The following SEMA3D variants were observed in gnomAD, a reference collection of about 807,000 sequenced individuals.
SEMA3D encodes the protein semaphorin 3D.
Under a neutral mutation model 100.1 loss-of-function variants are expected in SEMA3D, and 84 were observed. The observed-to-expected ratio is 0.84, with a 90% CI of 0.70 to 1.01. SEMA3D has a LOEUF of 1.01. Among genes scored for constraint, SEMA3D ranks in the 50% least tolerant of loss-of-function variants. SEMA3D has a pLI of 0.00. For synonymous variants in SEMA3D, 312 were observed against 320.7 expected, an observed-to-expected ratio of 0.97 and a Z score of 0.29; for missense variants, 875 against 934.1, an observed-to-expected ratio of 0.94 and a Z score of 0.82.
chr7:85,228,754 T>G, the SEMA3D span, among the ~76,000 whole-genome samples: 1 of 152,084 alleles, frequency 6.6e-6, no homozygotes, highest in Non-Finnish European at 1.5e-5. Flanking sequence ...TCATTGCTCA[T>G]GAAAGTCATA....
chr7:85,036,820 T>C, intron 12 of SEMA3D, 69 bp downstream of exon 12: 1 of 1,322,320 alleles, frequency 7.6e-7, no homozygotes, highest in Non-Finnish European at 1.0e-6. Flanking sequence ...TAGCAGAATT[T>C]ATTACAATTA....
At chr7:85,050,887 C>T in intron 9 of SEMA3D, 1 of 390,474 alleles carries the variant, frequency 2.6e-6, no homozygotes, top group Non-Finnish European at 4.6e-6. Context: ...ACACCAACTT[C>T]TTCCATTCCT....
At chr7:85,089,671 A>C (rs1329737532) in intron 4 of SEMA3D, among the ~76,000 whole-genome samples, 2 of 152,060 alleles carry the variant, frequency 1.3e-5, no homozygotes, top group Non-Finnish European at 2.9e-5. Flanking sequence ...GATTTCATGA[A>C]CCCAGAAGTT....
At chr7:85,051,467 C>CA (rs1288149583) in intron 9 of SEMA3D, among the ~76,000 whole-genome samples, 2 of 151,924 alleles carry the variant, frequency 1.3e-5, no homozygotes, top group African/African-American at 4.8e-5. Flanking sequence ...GCAATGACAC[C>CA]ATTTCCTCTC....
intron 1 of SEMA3D, among the ~76,000 whole-genome samples, chr7:85,158,009 C>T (rs562845322): frequency 1.3e-5 from 2 of 152,244 alleles, no homozygotes; most frequent in East Asian, 3.9e-4. Flanking sequence ...ATTTCCTATG[C>T]CTATCTTTAC....
chr7:85,086,561 A>G (rs1178284736), intron 4 of SEMA3D, among the ~76,000 whole-genome samples: 1 of 152,018 alleles, frequency 6.6e-6, no homozygotes, highest in East Asian at 1.9e-4. Flanking sequence ...ATAATGTACA[A>G]TATACGCACA....
At chr7:85,091,072 AAG>A (rs1422917599) in intron 4 of SEMA3D, among the ~76,000 whole-genome samples, 4 of 146,456 alleles carry the variant, frequency 2.7e-5, no homozygotes, top group African/African-American at 7.8e-5. Flanking sequence ...GAAGGAGAGA[AAG>A]AGAAAGAGAG....
intron 4 of SEMA3D, among the ~76,000 whole-genome samples, chr7:85,088,252 A>T (rs539086831): frequency 1.3e-5 from 2 of 152,322 alleles, no homozygotes; most frequent in East Asian, 3.9e-4. Context: ...TCAAATAATG[A>T]TAAGACTTTA....
chr7:85,019,441 A>T (rs560741989), intron 14 of SEMA3D, among the ~76,000 whole-genome samples: 1 of 151,640 alleles, frequency 6.6e-6, no homozygotes, highest in Non-Finnish European at 1.5e-5. Context: ...CATAAACAGG[A>T]TCCTGTGGAA....
the SEMA3D span, among the ~76,000 whole-genome samples, chr7:85,236,130 CA>C: frequency 4.7e-4 from 71 of 151,966 alleles, no homozygotes; most frequent in African/African-American, 1.6e-3. Flanking sequence ...TTTCAGATAC[CA>C]AATGAGCTAC....
the SEMA3D span, among the ~76,000 whole-genome samples, chr7:85,197,623 G>T: frequency 6.6e-6 from 1 of 152,080 alleles, no homozygotes; most frequent in East Asian, 1.9e-4. Flanking sequence ...CCTCCTGAGG[G>T]CTGTGTCATG....
At chr7:85,205,636 C>G in the SEMA3D span, among the ~76,000 whole-genome samples, 3,505 of 152,072 alleles carry the variant, frequency 0.023, 59 homozygotes, top group Non-Finnish European at 0.037. Flanking sequence ...ACAATTTGTC[C>G]TTCTTTTGCC....
In SEMA3D at chr7:85,036,922, A is replaced by T. The variant is rs938353108; in HGVS notation, c.1158T>A (p.Tyr386Ter). The T allele has an allele frequency of 6.2e-7, 1 of 1,613,350 alleles. No individual in the cohort carries two copies. The highest frequency in any genetic ancestry group is 8.5e-7 in the Non-Finnish European group (1 of 1,179,532). The change falls in exon 12 of 19, where the codon TAT (tyrosine) becomes TAA (stop). Residue 386 changes from tyrosine (Y) to a stop codon, truncating the protein, a stop_gained. Coordinates refer to ENST00000284136, the MANE Select transcript of SEMA3D (RefSeq NM_001384900.1). LOFTEE classifies it high-confidence loss of function. ...KESADHRWVQ[Y>*]DGRIPYPRPG... ...GCCGTGGATAAGGAATTCTCCCATC[A>T]TACTGCACCCAACGATGGTCTGCAC...
intron 8 of SEMA3D, among the ~76,000 whole-genome samples, chr7:85,058,514 G>A (rs982631008): frequency 6.6e-6 from 1 of 151,948 alleles, no homozygotes; most frequent in Admixed American, 6.6e-5. Context: ...TTGGGAGGCC[G>A]AGGCCGGCAG....
intron 18 of SEMA3D, among the ~76,000 whole-genome samples, chr7:85,006,511 C>A (rs913339315): frequency 6.6e-6 from 1 of 151,766 alleles, no homozygotes; most frequent in Non-Finnish European, 1.5e-5. Context: ...TGTTATTAGT[C>A]AGGGATTTGT....
the SEMA3D span, among the ~76,000 whole-genome samples, chr7:85,217,457 A>T: frequency 4.2e-4 from 64 of 152,110 alleles, no homozygotes; most frequent in Non-Finnish European, 7.9e-4. Context: ...GAGAGTATAA[A>T]CAAATAATTA....
chr7:85,136,706 TAC>T (rs1789876931), intron 2 of SEMA3D, among the ~76,000 whole-genome samples: 1 of 152,086 alleles, frequency 6.6e-6, no homozygotes, highest in Non-Finnish European at 1.5e-5. Context: ...ACTGGGAAAA[TAC>T]ATTTTTATTT....
At chr7:85,031,541 C>T (rs1245855180) in intron 12 of SEMA3D, among the ~76,000 whole-genome samples, 1 of 151,918 alleles carries the variant, frequency 6.6e-6, no homozygotes, top group Non-Finnish European at 1.5e-5. Context: ...TGTTTGGTTG[C>T]TCATTTGTTA....
At chr7:85,088,032 T>C (rs1788277132) in intron 4 of SEMA3D, among the ~76,000 whole-genome samples, 2 of 152,194 alleles carry the variant, frequency 1.3e-5, no homozygotes, top group Admixed American at 1.3e-4. Context: ...GAATTTATAT[T>C]GATTTTATTT....
Sources: gnomAD v4.1 joint callset for allele counts (sites outside exome capture counted in the v4.1 genomes callset) on GRCh38, gnomAD v4.1.1 for gene constraint, MANE v1.5 for transcripts, NCBI Gene and HGNC (gene_info 2026-07-23, HGNC 2026-07-21) for gene names.